IQSEC1: variants seen among roughly 807,000 people sequenced by gnomAD.
IQSEC1 encodes the protein IQ motif and Sec7 domain ArfGEF 1.
In IQSEC1, 31 loss-of-function variants were observed where a neutral mutation model predicts 91.0. The ratio of observed to expected loss-of-function variants is 0.34; its 90% CI spans 0.26 to 0.46. The LOEUF is 0.46. IQSEC1 is among the 20% of genes least tolerant of loss of function. The pLI is 1.00. For synonymous variants in IQSEC1, 699 were observed against 662.6 expected (o/e 1.05, Z -0.84); for missense variants, 1,388 against 1,575.6 (o/e 0.88, Z 2.02).
intron 1 of IQSEC1, among the ~76,000 whole-genome samples, chr3:13,228,987 C>T (rs1694801403): frequency 6.6e-6 from 1 of 152,232 alleles, no homozygotes; most frequent in South Asian, 2.1e-4. Flanking sequence ...CTGTCCGTCT[C>T]TCTTTTCACC....
At chr3:13,226,650 G>C (rs1158430842) in intron 1 of IQSEC1, among the ~76,000 whole-genome samples, 1 of 151,958 alleles carries the variant, frequency 6.6e-6, no homozygotes, top group African/African-American at 2.4e-5. Context: ...GCACGTGGCA[G>C]CTGCTGTGCC....
intron 1 of IQSEC1, among the ~76,000 whole-genome samples, chr3:13,014,325 G>A (rs1296272008): frequency 2.6e-5 from 4 of 152,202 alleles, no homozygotes; most frequent in Admixed American, 6.5e-5. Context: ...CAACAACCCC[G>A]GAAGGGAGGA....
intron 1 of IQSEC1, among the ~76,000 whole-genome samples, chr3:13,273,996 A>AGCAGAGATGAAAAATCTGAGGC (rs1559291091): frequency 6.6e-6 from 1 of 152,198 alleles, no homozygotes; most frequent in African/African-American, 2.4e-5. Flanking sequence ...CTGTCCCCAT[A>AGCAGAGATGAAAAATCTGAGGC]GCAGAGATGA....
chr3:12,901,020 C>T lies in IQSEC1; in HGVS notation c.3308G>A (p.Ser1103Asn), dbSNP rs776855178. ...QPPAPPPPTS[S>N]KAKPSGISTI... is the part of the protein sequence containing the mutation. ...GCTGATGCCGCTGGGTTTGGCCTTG[C>T]TGCTGGTGGGGGGCGGCGGGGCAGG... Residue 1103 changes from serine to asparagine, a missense_variant, in exon 14 of 14, where the codon AGC becomes AAC. Coordinates refer to ENST00000613206, the MANE Select transcript of IQSEC1 (RefSeq NM_001134382.3). 6.5e-7 allele frequency: 1 copy of T among 1,541,950 alleles called. No individual in the cohort carries two copies. The highest frequency in any genetic ancestry group is 8.7e-7 in the Non-Finnish European group (1 of 1,145,474).
At position 13,211,902 on chromosome 3, in the gene IQSEC1, C is replaced by T. The variant is rs796069705; in HGVS notation, c.273-47769G>A. On this transcript the variant is annotated intron_variant, in intron 1 of 15. Transcript: ENST00000648114. This position sits in a 1 kb window ranked among gnomAD's most constrained non-coding sequence, Gnocchi z 5.3. ...TGGTTTCGTGTCCACAGAACCTTTC[C>T]GTGGCCAGAGGACCCGAAACCCCCA... 4.1e-4 allele frequency among the ~76,000 whole-genome samples: 63 copies of T among 152,276 alleles called. No individual in the cohort carries two copies. Among genetic ancestry groups the T allele is most frequent in the South Asian group, 2.1e-4 (1 of 4,824 alleles).
At chr3:13,072,917 C>T (rs1304886468) in intron 1 of IQSEC1, 75 bp downstream of exon 1, 2 of 1,351,240 alleles carry the variant, frequency 1.5e-6, no homozygotes, top group African/African-American at 1.4e-5. Context: ...CAACGATGCC[C>T]CTCACTCCAG....
intron 1 of IQSEC1, among the ~76,000 whole-genome samples, chr3:13,055,583 T>C (rs546034842): frequency 1.1e-3 from 171 of 152,230 alleles, no homozygotes; most frequent in Non-Finnish European, 1.7e-3. Context: ...ATCAGACAGA[T>C]GCCTTCACCA....
chr3:13,149,375 T>C, intron 2 of IQSEC1, among the ~76,000 whole-genome samples: 1 of 120,822 alleles, frequency 8.3e-6, no homozygotes, highest in African/African-American at 3.2e-5. Flanking sequence ...CCCAGGCCAT[T>C]CCACTCAGGG....
chr3:13,226,833 G>A (rs1353328873), intron 1 of IQSEC1, among the ~76,000 whole-genome samples: 1 of 152,016 alleles, frequency 6.6e-6, no homozygotes, highest in East Asian at 1.9e-4. Context: ...ACCCTCCCAC[G>A]AGGATGGAGA....
At position 13,145,198 on chromosome 3, in the gene IQSEC1, GA is replaced by G. The variant is rs1706869381; in HGVS notation, c.302+18905del. Among the ~76,000 whole-genome samples, 5 of 152,198 alleles carry G rather than the reference GA, an allele frequency of 3.3e-5. No individual in the cohort carries two copies. The South Asian group carries it at 1.0e-3, about 32-fold the overall frequency. ...AGGAACAGGTTGGCCTGCAATGACA[GA>G]AAACCCTATGAAGAGTAGCTTAGAA... On this transcript the variant is annotated intron_variant, in intron 2 of 15. Transcript: ENST00000648114.
intron 1 of IQSEC1, among the ~76,000 whole-genome samples, chr3:13,057,370 A>G (rs963066932): frequency 1.3e-5 from 2 of 152,190 alleles, no homozygotes; most frequent in Non-Finnish European, 1.5e-5. Flanking sequence ...TTGGCCCTGT[A>G]GACTTTTCCA....
At chr3:13,262,811 A>G (rs1328301981) in intron 1 of IQSEC1, among the ~76,000 whole-genome samples, 1 of 152,264 alleles carries the variant, frequency 6.6e-6, no homozygotes, top group East Asian at 1.9e-4. Context: ...GCCACTCACA[A>G]AAGAACAAAT....
intron 1 of IQSEC1, among the ~76,000 whole-genome samples, chr3:13,229,564 TGTG>T (rs1309149303): frequency 6.6e-6 from 1 of 151,936 alleles, no homozygotes; most frequent in East Asian, 1.9e-4. Context: ...GCAGGGGAAA[TGTG>T]GTGGGAGGAG....
intron 1 of IQSEC1, among the ~76,000 whole-genome samples, chr3:12,966,137 TCCAGACTGCTGC>T (rs1700549992): frequency 6.6e-6 from 1 of 152,176 alleles, no homozygotes; most frequent in South Asian, 2.1e-4. Context: ...GACCCCCATG[TCCAGACTGCTGC>T]CACTGATTCC....
rs181406138 is a variant in IQSEC1, at chr3:13,155,235, C to T, written c.302+8869G>A. Among the ~76,000 whole-genome samples the T allele has an allele frequency of 5.7e-4, 86 of 152,156 alleles. 1 individual carries two copies. The highest frequency in any genetic ancestry group is 1.9e-3 in the African/African-American group (79 of 41,532). On this transcript the variant is annotated intron_variant, in intron 2 of 15. Coordinates refer to the IQSEC1 transcript ENST00000648114. ...TCTCCCAGAAGATTGACAAAATTGACGATTCACCACTTAGATTGACCAAGA... is the reference window on the plus strand; with the variant it reads ...TCTCCCAGAAGATTGACAAAATTGATGATTCACCACTTAGATTGACCAAGA...
chr3:13,248,797 A>C (rs2125112697), intron 1 of IQSEC1, among the ~76,000 whole-genome samples: 1 of 97,686 alleles, frequency 1.0e-5, no homozygotes, highest in East Asian at 2.2e-4. Context: ...AGAGAGGTTG[A>C]GTAACTTGCC....
At chr3:13,075,317 G>A (rs1465207561), upstream of IQSEC1, among the ~76,000 whole-genome samples, 1 of 152,218 alleles carries the variant, frequency 6.6e-6, no homozygotes, top group Admixed American at 6.5e-5. Flanking sequence ...CTGCTTAGAT[G>A]GGTTGCACCA....
At chr3:13,079,963 T>C (rs1032862989) in intron 2 of IQSEC1, among the ~76,000 whole-genome samples, 7 of 152,194 alleles carry the variant, frequency 4.6e-5, no homozygotes, top group East Asian at 1.9e-4. Context: ...GAGGACAAGA[T>C]GTTGAAACAG....
intron 1 of IQSEC1, among the ~76,000 whole-genome samples, chr3:12,984,815 A>ATTTTTTT (rs767194681): frequency 2.0e-5 from 2 of 102,210 alleles, no homozygotes; most frequent in Admixed American, 1.9e-4. Flanking sequence ...AAGCAATTAC[A>ATTTTTTT]TTTTTTTTTT....
Sources: gnomAD v4.1 joint callset for allele counts (sites outside exome capture counted in the v4.1 genomes callset) on GRCh38, gnomAD v4.1.1 for gene constraint, Gnocchi (gnomAD v3.1) non-coding constraint, MANE v1.5 for transcripts, NCBI Gene and HGNC (gene_info 2026-07-23, HGNC 2026-07-21) for gene names.